The following PRIMPOL variants were observed in gnomAD, a reference collection of about 807,000 sequenced individuals.
PRIMPOL encodes the protein DNA-directed primase/polymerase protein.
Under a neutral mutation model 63.6 loss-of-function variants are expected in PRIMPOL, and 54 were observed. That is an observed-to-expected ratio of 0.85 (90% CI 0.68 to 1.07). The LOEUF is 1.07. Among genes scored for constraint, PRIMPOL ranks in the 50% least tolerant of loss-of-function variants. The pLI is 0.00. For synonymous variants in PRIMPOL, 197 were observed against 220.2 expected (o/e 0.89, Z 0.93); for missense variants, 610 against 648.3 (o/e 0.94, Z 0.64).
chr4:184,668,290 C>T (rs1269032773), intron 6 of PRIMPOL, among the ~76,000 whole-genome samples: 1 of 152,242 alleles, frequency 6.6e-6, no homozygotes, highest in African/African-American at 2.4e-5. Flanking sequence ...TGAGTGGTGT[C>T]ACCAGTTACC....
rs774512075 is a variant in PRIMPOL, at chr4:184,661,794, A to T, written c.299A>T (p.Tyr100Phe). The change falls in exon 5 of 14, where the codon TAT (tyrosine) becomes TTT (phenylalanine). Residue 100 changes from tyrosine (Y) to phenylalanine (F), a missense_variant. This residue lies in a region of PRIMPOL where 159 missense variants were observed against 168.9 expected (regional missense o/e 0.94). Coordinates refer to ENST00000314970, the MANE Select transcript of PRIMPOL (RefSeq NM_152683.4). ...YKSRKNLLHC[Y>F]EVIPENAVCK... ...TTTAGAAAAAATCTCTTACACTGCT[A>T]TGAAGTTATTCCTGAAAATGCTGTG... is the stretch of plus-strand genomic sequence containing the variant. The T allele has an allele frequency of 6.2e-7, 1 of 1,611,170 alleles. No homozygotes were observed. The highest frequency in any genetic ancestry group is 2.2e-5 in the East Asian group (1 of 44,818).
At chr4:184,657,360 A>G (rs1312585035) in intron 3 of PRIMPOL, 40 bp downstream of exon 3, 1 of 1,410,854 alleles carries the variant, frequency 7.1e-7, no homozygotes, top group Admixed American at 2.2e-5. Context: ...CTCCTCTTCC[A>G]CTTCCTCTTC....
chr4:184,691,048 T>A (rs1758378783), intron 11 of PRIMPOL, among the ~76,000 whole-genome samples: 1 of 152,246 alleles, frequency 6.6e-6, no homozygotes, highest in Admixed American at 6.5e-5. Flanking sequence ...TGCTTCATAT[T>A]TACCTATTAG....
intron 7 of PRIMPOL, among the ~76,000 whole-genome samples, chr4:184,675,974 T>C (rs888027455): frequency 6.6e-6 from 1 of 152,310 alleles, no homozygotes. Flanking sequence ...ATAATAGTAG[T>C]AGTCTGATTT....
chr4:184,675,243 A>G (rs1310413127), intron 7 of PRIMPOL, among the ~76,000 whole-genome samples: 1 of 152,172 alleles, frequency 6.6e-6, no homozygotes, highest in Non-Finnish European at 1.5e-5. Flanking sequence ...CCATCTTTAA[A>G]ACATTTGTTT....
chr4:184,693,857 C>A (rs1759727234), intron 13 of PRIMPOL, among the ~76,000 whole-genome samples: 1 of 152,056 alleles, frequency 6.6e-6, no homozygotes, highest in African/African-American at 2.4e-5. Context: ...TTTTTAATGA[C>A]AGGGGGGTAT....
At chr4:184,687,752 T>C (rs1194542509) in intron 11 of PRIMPOL, among the ~76,000 whole-genome samples, 2 of 152,140 alleles carry the variant, frequency 1.3e-5, no homozygotes, top group Non-Finnish European at 2.9e-5. Context: ...GTAGCTGGGA[T>C]TACAGGCATG....
At chr4:184,654,041 G>A (rs1745495204) in intron 2 of PRIMPOL, among the ~76,000 whole-genome samples, 1 of 152,210 alleles carries the variant, frequency 6.6e-6, no homozygotes, top group African/African-American at 2.4e-5. Context: ...TTCTGTTGAT[G>A]CTCATGGTTT....
At chr4:184,681,659 C>G (rs1755661796) in intron 8 of PRIMPOL, among the ~76,000 whole-genome samples, 1 of 152,174 alleles carries the variant, frequency 6.6e-6, no homozygotes, top group Non-Finnish European at 1.5e-5. Flanking sequence ...ACTGCAACCT[C>G]TGCCTCCTGG....
chr4:184,682,243 T>C lies in PRIMPOL; in HGVS notation c.1008-5T>C, dbSNP rs2150138399. On this transcript the variant is annotated splice_polypyrimidine_tract_variant and splice_region_variant and intron_variant, in intron 8 of 13. Transcript: ENST00000314970. ...CTTTGTTTCTTTTACCTATTTCTTC[T>C]TCAGGTTCTCAGATACTTTACGAAT... 6.5e-7 allele frequency: 1 copy of C among 1,531,140 alleles called. No homozygotes were observed. Among genetic ancestry groups the C allele is most frequent in the Non-Finnish European group, 9.0e-7 (1 of 1,107,858 alleles). The allele number at this position is 1,531,140 out of a possible 1,614,324, so 94.8% of individuals were successfully genotyped here.
intron 1 of PRIMPOL, among the ~76,000 whole-genome samples, chr4:184,650,885 C>T (rs1744146891): frequency 6.6e-6 from 1 of 152,160 alleles, no homozygotes; most frequent in Admixed American, 6.5e-5. Context: ...GAGTTTATTG[C>T]ATGCTTTTAC....
At chr4:184,692,649 T>A (rs1759086130) in intron 13 of PRIMPOL, among the ~76,000 whole-genome samples, 1 of 152,076 alleles carries the variant, frequency 6.6e-6, no homozygotes, top group African/African-American at 2.4e-5. Context: ...ATAGCACACA[T>A]ACTATTTCAG....
Position 184,657,165 on chromosome 4 carries a change from C to T in PRIMPOL, c.25C>T (p.Leu9=). Residue 9 remains leucine, a synonymous_variant, in exon 3 of 14, where the codon CTG becomes TTG. Transcript: ENST00000314970. ...AATGAATAGAAAATGGGAAGCAAAACTGAAGCAAATTGAAGAACGAGCATC... is the reference window on the plus strand; with the variant it reads ...AATGAATAGAAAATGGGAAGCAAAATTGAAGCAAATTGAAGAACGAGCATC... The part of the protein sequence containing the change: MNRKWEAK[L]KQIEERASHY... The T allele has an allele frequency of 6.2e-7, 1 of 1,609,452 alleles. No homozygotes were observed. The highest frequency in any genetic ancestry group is 8.5e-7 in the Non-Finnish European group (1 of 1,178,240).
intron 1 of PRIMPOL, among the ~76,000 whole-genome samples, chr4:184,651,476 T>G (rs1255345899): frequency 2.0e-5 from 3 of 152,094 alleles, no homozygotes; most frequent in Non-Finnish European, 4.4e-5. Context: ...ACTCCCAACC[T>G]TAACAGTGGC....
At chr4:184,671,277 G>C (rs755785023) in intron 6 of PRIMPOL, among the ~76,000 whole-genome samples, 12 of 152,110 alleles carry the variant, frequency 7.9e-5, no homozygotes, top group Non-Finnish European at 1.8e-4. Flanking sequence ...GCAGCCTAGG[G>C]GCTGACGGCT....
intron 2 of PRIMPOL, among the ~76,000 whole-genome samples, chr4:184,652,306 C>T (rs1038049719): frequency 6.6e-6 from 1 of 151,870 alleles, no homozygotes; most frequent in African/African-American, 2.4e-5. Flanking sequence ...AATCATTATC[C>T]CTGTGAAAAG....
intron 6 of PRIMPOL, among the ~76,000 whole-genome samples, chr4:184,668,104 A>G (rs1750579928): frequency 6.6e-6 from 1 of 152,112 alleles, no homozygotes; most frequent in East Asian, 1.9e-4. Context: ...TTTGATATGC[A>G]TCTATGTTGA....
intron 5 of PRIMPOL, 37 bp downstream of exon 5, chr4:184,661,940 A>T (rs768995784): frequency 1.3e-6 from 2 of 1,589,882 alleles, no homozygotes; most frequent in African/African-American, 1.4e-5. Context: ...ATTTCTATCC[A>T]TCTCTTCATT....
At chr4:184,650,971 GGTTTAAAGAGGTTAAGGCCGA>G (rs572702309) in intron 1 of PRIMPOL, among the ~76,000 whole-genome samples, 1 of 152,120 alleles carries the variant, frequency 6.6e-6, no homozygotes, top group Non-Finnish European at 1.5e-5. Context: ...AAGAGGATAA[GGTTTAAAGAGGTTAAGGCCGA>G]GTTTAAAGAG....
Sources: gnomAD v4.1 joint callset for allele counts (sites outside exome capture counted in the v4.1 genomes callset) on GRCh38, gnomAD v4.1.1 for gene constraint, gnomAD v4.1.1 regional missense constraint, MANE v1.5 for transcripts, NCBI Gene and HGNC (gene_info 2026-07-23, HGNC 2026-07-21) for gene names.